The following TANGO6 variants were observed in gnomAD, a reference collection of about 807,000 sequenced individuals.
The protein encoded by TANGO6 is transport and Golgi organization protein 6 homolog.
TANGO6 carries 90 observed loss-of-function variants against 114.2 expected under a neutral mutation model. The observed-to-expected ratio is 0.79, with a 90% CI of 0.66 to 0.94. The LOEUF (loss-of-function observed/expected upper bound fraction) is 0.94. TANGO6 is among the 40% of genes least tolerant of loss of function. The pLI is 0.00. For synonymous variants in TANGO6, 477 were observed against 509.8 expected, an observed-to-expected ratio of 0.94 and a Z score of 0.87; for missense variants, 1,274 against 1,315.3, an observed-to-expected ratio of 0.97 and a Z score of 0.49.
chr16:68,950,112 G>A (rs1963457615), intron 14 of TANGO6, among the ~76,000 whole-genome samples: 2 of 152,322 alleles, frequency 1.3e-5, no homozygotes, highest in African/African-American at 4.8e-5. Context: ...TCAGAAAGTA[G>A]AGTAATAGTT....
Position 68,932,646 on chromosome 16 carries a change from C to T in TANGO6, c.2701+2351C>T, listed in dbSNP as rs1430855851. On this transcript the variant is annotated intron_variant, in intron 14 of 17. Coordinates refer to ENST00000261778, the MANE Select transcript of TANGO6 (RefSeq NM_024562.2). ...CAAAAAAACACCAAAAAAAGTTAGCCAGGTGTGGTGGCGGGCACCTGTAAT... is the reference window on the plus strand; with the variant it reads ...CAAAAAAACACCAAAAAAAGTTAGCTAGGTGTGGTGGCGGGCACCTGTAAT... Among the ~76,000 whole-genome samples, 4 of 151,830 alleles carry T rather than the reference C, an allele frequency of 2.6e-5. No homozygotes were observed. The East Asian group carries it at 7.8e-4, about 30-fold the overall frequency.
At chr16:68,957,003 T>C (rs1258757705) in intron 14 of TANGO6, among the ~76,000 whole-genome samples, 1 of 152,200 alleles carries the variant, frequency 6.6e-6, no homozygotes, top group Non-Finnish European at 1.5e-5. Flanking sequence ...GTAGTGTCTA[T>C]AAGAGTCTTG....
chr16:68,931,137 C>T (rs1311140371), intron 14 of TANGO6, among the ~76,000 whole-genome samples: 1 of 152,138 alleles, frequency 6.6e-6, no homozygotes, highest in Non-Finnish European at 1.5e-5. Context: ...CCAAAAGGTC[C>T]AGAAGCAGAC....
chr16:69,016,676 T>G (rs889936769), intron 15 of TANGO6, among the ~76,000 whole-genome samples: 2 of 152,046 alleles, frequency 1.3e-5, no homozygotes, highest in Admixed American at 6.6e-5. Context: ...TATTTATTAT[T>G]ATTATTTTGA....
In TANGO6 at chr16:69,017,778, C is replaced by T. The variant is rs143844967; in HGVS notation, c.2843-5050C>T. 5.2e-3 allele frequency among the ~76,000 whole-genome samples: 790 copies of T among 152,272 alleles called. 3 individuals carry two copies. The highest frequency in any genetic ancestry group is 0.016 in the South Asian group (78 of 4,824). ...GTTGGCAGCAGGGCCAACCCTAGAA[C>T]ACAGATCTCTAACTCTGGATCCTCA... On this transcript the variant is annotated intron_variant, in intron 15 of 17. Coordinates refer to ENST00000261778, the MANE Select transcript of TANGO6 (RefSeq NM_024562.2).
chr16:68,951,344 T>C (rs8057628), intron 14 of TANGO6, among the ~76,000 whole-genome samples: 11,226 of 141,740 alleles, frequency 0.079, 487 homozygotes, highest in African/African-American at 0.098. Flanking sequence ...GGTGGGGGGG[T>C]TGGGCAAATA....
intron 17 of TANGO6, among the ~76,000 whole-genome samples, chr16:69,074,798 CTGTG>C (rs60702668): frequency 0.08 from 10,808 of 135,154 alleles, 430 homozygotes; most frequent in South Asian, 0.1. Context: ...GTTCGAATGC[CTGTG>C]TGTGTGTGTG....
At chr16:68,887,804 G>T (rs1005976925) in intron 7 of TANGO6, among the ~76,000 whole-genome samples, 62 of 151,988 alleles carry the variant, frequency 4.1e-4, no homozygotes, top group Non-Finnish European at 8.5e-4. Flanking sequence ...GCTTGAACCC[G>T]GGAGGCAGAG....
At chr16:69,050,510 G>C (rs1959931958) in intron 17 of TANGO6, among the ~76,000 whole-genome samples, 1 of 146,820 alleles carries the variant, frequency 6.8e-6, no homozygotes, top group Admixed American at 6.9e-5. Context: ...TTTTTTTTGA[G>C]ACGGAGTCTT....
At position 68,859,887 on chromosome 16, in the gene TANGO6, C is replaced by G. The variant is rs754572717; in HGVS notation, c.98C>G (p.Ser33Trp). Reference sequence around the variant, plus strand: ...TCCTTTTTTTCTTCTTCAAAAGGCTCGGGCTCAAGTTCACTACAGGTCACA... The same window carrying G: ...TCCTTTTTTTCTTCTTCAAAAGGCTGGGGCTCAAGTTCACTACAGGTCACA... ...ALKLLLSPGG[S>W]GSSSLQVTKH... Residue 33 changes from serine (S) to tryptophan (W), a missense_variant, in exon 2 of 18, where the codon TCG (serine) becomes TGG (tryptophan). Ser to Trp is a radical substitution (Grantham distance 177). Around this residue, in one of 5 missense-constraint regions of TANGO6, gnomAD observed 114 missense variants for 104.6 expected, o/e 1.09. Transcript: ENST00000261778. The G allele has an allele frequency of 3.2e-6, 5 of 1,554,782 alleles. No individual in the cohort carries two copies. The East Asian group carries it at 6.8e-5, about 21-fold the overall frequency.
chr16:69,038,437 A>G (rs1959724489), intron 16 of TANGO6, among the ~76,000 whole-genome samples: 1 of 152,136 alleles, frequency 6.6e-6, no homozygotes, highest in Non-Finnish European at 1.5e-5. Flanking sequence ...TTCAAAAAAA[A>G]AAAAAGTATA....
chr16:68,850,159 A>G (rs1961878632), intron 1 of TANGO6, among the ~76,000 whole-genome samples: 1 of 151,884 alleles, frequency 6.6e-6, no homozygotes, highest in South Asian at 2.1e-4. Flanking sequence ...TTTTTGGTAG[A>G]GATGGGGTTT....
chr16:68,902,636 A>G, intron 9 of TANGO6, 132 bp downstream of exon 9: 6 of 770,712 alleles, frequency 7.8e-6, no homozygotes, highest in Non-Finnish European at 9.8e-6. Flanking sequence ...CCTGCTATTT[A>G]TATTCTCTAA....
Position 68,958,505 on chromosome 16 carries a change from A to AAAG in TANGO6, c.2702-15522_2702-15521insAGA, listed in dbSNP as rs1555525468. 3.0e-4 allele frequency among the ~76,000 whole-genome samples: 44 copies of AAAG among 146,170 alleles called. 2 individuals carry two copies. Among genetic ancestry groups the AAAG allele is most frequent in the African/African-American group, 6.5e-4 (25 of 38,230 alleles). The stretch of plus-strand genomic sequence containing the variant: ...ACTCTGTCTCAAAAAAAAAAAAAAA[A>AAAG]AGAGAGAGGAAGGAAGGAAGCAGGG... On this transcript the variant is annotated intron_variant, in intron 14 of 17. Transcript: ENST00000261778.
intron 16 of TANGO6, chr16:69,033,902 TC>T: frequency 5.8e-6 from 1 of 172,860 alleles, no homozygotes. Context: ...CTATCTCTTC[TC>T]CCTGCCCATC....
intron 14 of TANGO6, 157 bp from the exon 15 acceptor site, chr16:68,973,871 C>T: frequency 1.3e-6 from 1 of 783,214 alleles, no homozygotes; most frequent in Admixed American, 2.6e-5. Context: ...TCGTTCCACT[C>T]ACTATGCTGA....
chr16:68,963,077 G>A (rs1336626237), intron 14 of TANGO6, among the ~76,000 whole-genome samples: 2 of 141,454 alleles, frequency 1.4e-5, no homozygotes, highest in Non-Finnish European at 1.5e-5. Context: ...CTGGGCGACA[G>A]CAAGACTCCG....
intron 7 of TANGO6, among the ~76,000 whole-genome samples, chr16:68,891,938 A>AGAGGAAGGAAGGAAGGCAGG (rs1962628255): frequency 7.3e-6 from 1 of 137,476 alleles, no homozygotes; most frequent in Non-Finnish European, 1.6e-5. Context: ...AGGGAGGGAG[A>AGAGGAAGGAAGGAAGGCAGG]GAGGAAGGAA....
chr16:69,062,817 C>A (rs113875238), intron 17 of TANGO6, among the ~76,000 whole-genome samples: 1 of 150,338 alleles, frequency 6.7e-6, no homozygotes, highest in Non-Finnish European at 1.5e-5. Flanking sequence ...AAGAATCAGC[C>A]AGGCGCAGTG....
Sources: gnomAD v4.1 joint callset for allele counts (sites outside exome capture counted in the v4.1 genomes callset) on GRCh38, gnomAD v4.1.1 for gene constraint, gnomAD v4.1.1 regional missense constraint, MANE v1.5 for transcripts, NCBI Gene and HGNC (gene_info 2026-07-23, HGNC 2026-07-21) for gene names.